Variants in GBF1 observed in about 807,000 individuals in gnomAD.
GBF1 encodes the protein Golgi-specific brefeldin A-resistance guanine nucleotide exchange factor 1.
GBF1 carries 114 observed loss-of-function variants against 210.5 expected under a neutral mutation model. The ratio of observed to expected loss-of-function variants is 0.54; its 90% confidence interval spans 0.47 to 0.63. The LOEUF (loss-of-function observed/expected upper bound fraction) is 0.63. Among genes scored for constraint, GBF1 ranks in the 30% least tolerant of loss-of-function variants. GBF1 has a pLI of 0.00. For synonymous variants in GBF1, 850 were observed against 889.2 expected, an observed-to-expected ratio of 0.96 and a Z score of 0.78; for missense variants, 1,851 against 2,357.7, an observed-to-expected ratio of 0.79 and a Z score of 4.45.
intron 3 of GBF1, among the ~76,000 whole-genome samples, chr10:102,337,838 CAG>C (rs2057872930): frequency 6.6e-6 from 1 of 152,108 alleles, no homozygotes; most frequent in South Asian, 2.1e-4. Context: ...GCCTGGGTGA[CAG>C]AGCAAGACTC....
intron 3 of GBF1, among the ~76,000 whole-genome samples, chr10:102,299,772 G>A (rs897906241): frequency 3.2e-4 from 48 of 152,012 alleles, no homozygotes; most frequent in Non-Finnish European, 1.3e-4. Flanking sequence ...CAACAAAAGC[G>A]AAACTCCGTC....
Position 102,315,085 on chromosome 10 carries a change from C to T in GBF1, c.164-28966C>T, listed in dbSNP as rs560887365. Among the ~76,000 whole-genome samples the T allele has an allele frequency of 7.2e-5, 11 of 152,274 alleles. No homozygotes were observed. The East Asian group carries it at 1.7e-3, about 24-fold the overall frequency. Reference sequence around the variant, plus strand: ...GTGCTGCCCTATTCCTTGTAAACATCGCTTATTACCAATTTTCCTGGAAAT... The same window carrying T: ...GTGCTGCCCTATTCCTTGTAAACATTGCTTATTACCAATTTTCCTGGAAAT... On this transcript the variant is annotated intron_variant, in intron 3 of 39. Coordinates refer to ENST00000369983, the MANE Select transcript of GBF1 (RefSeq NM_001377137.1).
At chr10:102,302,598 C>T (rs113118760) in intron 3 of GBF1, among the ~76,000 whole-genome samples, 75 of 152,276 alleles carry the variant, frequency 4.9e-4, no homozygotes, top group African/African-American at 1.8e-3. Flanking sequence ...CTGAAGAATT[C>T]TTAGAATTCA....
At chr10:102,343,740 TG>T in intron 3 of GBF1, among the ~76,000 whole-genome samples, 1 of 145,296 alleles carries the variant, frequency 6.9e-6, no homozygotes, top group Middle Eastern at 3.5e-3. Flanking sequence ...GCCCTGGAGG[TG>T]GAGGTTTGCA....
In GBF1 at chr10:102,363,365, C is replaced by T; in HGVS notation, c.1986C>T (p.Cys662=). ...RLPPEHGKSG[C]SDLEEAVDSG... is the part of the protein sequence containing the mutation. ...CACCAGAACATGGGAAATCAGGATG[C>T]AGTGATCTGGAGGAAGCTGTTGACT... The change falls in exon 16 of 40, where the codon TGC becomes TGT. Residue 662 remains cysteine, a synonymous_variant. Coordinates refer to ENST00000369983, the MANE Select transcript of GBF1 (RefSeq NM_001377137.1). The surrounding 1 kb of genome is among the most constrained non-coding windows in gnomAD (Gnocchi z 4.2). 6.2e-7 allele frequency: 1 copy of T among 1,613,956 alleles called. No individual in the cohort carries two copies. Among genetic ancestry groups the T allele is most frequent in the Non-Finnish European group, 8.5e-7 (1 of 1,179,914 alleles).
chr10:102,235,183 C>T, the GBF1 span, among the ~76,000 whole-genome samples: 1 of 129,310 alleles, frequency 7.7e-6, no homozygotes, highest in African/African-American at 3.3e-5. Context: ...CCCCCCACCC[C>T]CCCACCGCCT....
rs2059507433 is a variant in GBF1 at position 102,360,085 on chromosome 10, A to G, written c.1181-99A>G. 8.9e-6 allele frequency: 7 copies of G among 783,364 alleles called. No homozygotes were observed. In the Admixed American group the frequency reaches 1.0e-4, roughly 12 times the overall value. 48.5% of individuals were successfully genotyped at this position (783,364 alleles called of 1,614,324 possible). On this transcript the variant is annotated intron_variant, in intron 11 of 39. Coordinates refer to ENST00000369983, the MANE Select transcript of GBF1 (RefSeq NM_001377137.1). ...CCAGCCCTTTTCTTCAAAGAGAATC[A>G]CTTACCTAAAATTGCCTTGTGTAAT...
chr10:102,295,368 A>G (rs1306457719), intron 3 of GBF1, among the ~76,000 whole-genome samples: 2 of 152,234 alleles, frequency 1.3e-5, no homozygotes, highest in Admixed American at 6.5e-5. Flanking sequence ...AACAGTTGCA[A>G]TATATGGACC....
Position 102,344,128 on chromosome 10 carries a change from A to C in GBF1, c.241A>C (p.Ile81Leu). 6.2e-7 allele frequency: 1 copy of C among 1,613,052 alleles called. No individual in the cohort carries two copies. Residue 81 changes from isoleucine (I) to leucine (L), a missense_variant, in exon 4 of 40, where the codon ATC becomes CTC. Physicochemically the swap from Ile to Leu is conservative, Grantham distance 5. Transcript: ENST00000369983. Reference sequence around the variant, plus strand: ...TCGCTCTGAAGATACCACTGGCCCTATCACTGGACTGGCACTCACCTCTGT... The same window carrying C: ...TCGCTCTGAAGATACCACTGGCCCTCTCACTGGACTGGCACTCACCTCTGT... ...VIRSEDTTGP[I>L]TGLALTSVNK...
chr10:102,369,259 A>G lies in GBF1; in HGVS notation c.3022A>G (p.Ile1008Val), dbSNP rs759089542. 28 of 1,613,686 alleles carry G rather than the reference A, an allele frequency of 1.7e-5. No homozygotes were observed. Among genetic ancestry groups the G allele is most frequent in the Non-Finnish European group, 2.2e-5 (26 of 1,179,698 alleles). ...ATTTGGAAGCAACCCTAAAGCCCATATTGCAGCCAAGACAGTATTCCATTT... is the reference window on the plus strand; with the variant it reads ...ATTTGGAAGCAACCCTAAAGCCCATGTTGCAGCCAAGACAGTATTCCATTT... ...SVFGSNPKAH[I>V]AAKTVFHLAH... The change falls in exon 24 of 40, where the codon ATT becomes GTT. Residue 1008 changes from isoleucine (I) to valine (V), a missense_variant. Coordinates refer to ENST00000369983, the MANE Select transcript of GBF1 (RefSeq NM_001377137.1).
At chr10:102,283,083 A>G (rs115161282) in intron 3 of GBF1, among the ~76,000 whole-genome samples, 1 of 152,324 alleles carries the variant, frequency 6.6e-6, no homozygotes, top group South Asian at 2.1e-4. Flanking sequence ...GGAGTCACTC[A>G]TCTTGCCCAG....
intron 7 of GBF1, among the ~76,000 whole-genome samples, chr10:102,353,344 A>T (rs1250923749): frequency 6.6e-6 from 1 of 152,170 alleles, no homozygotes; most frequent in East Asian, 1.9e-4. Context: ...GTCTCAGGAT[A>T]AAAAGAGCCT....
intron 3 of GBF1, among the ~76,000 whole-genome samples, chr10:102,323,671 G>T (rs1565109434): frequency 6.6e-6 from 1 of 151,170 alleles, no homozygotes; most frequent in Non-Finnish European, 1.5e-5. Flanking sequence ...CTCCCTAAGA[G>T]CTGGGATTAC....
rs60505807 is a variant in GBF1 at position 102,258,150 on chromosome 10, A to ATT, written c.-10-758_-10-757dup. 2.4e-3 allele frequency among the ~76,000 whole-genome samples: 237 copies of ATT among 96,934 alleles called. 2 individuals carry two copies. Among genetic ancestry groups the ATT allele is most frequent in the Non-Finnish European group, 3.9e-3 (193 of 50,050 alleles). The allele number at this position is 96,934 out of a possible 152,430, so 63.6% of individuals were successfully genotyped here. ...ACTTCATCTCATTTTAGTATTACAG[A>ATT]TTTTTTTTTTTTTTTTTTTTTTGAG... On this transcript the variant is annotated intron_variant, in intron 1 of 39. Transcript: ENST00000369983.
the GBF1 span, among the ~76,000 whole-genome samples, chr10:102,236,642 C>A: frequency 6.6e-6 from 1 of 152,160 alleles, no homozygotes; most frequent in East Asian, 1.9e-4. Context: ...AGTGGGGAGG[C>A]CATGGTTTCC....
intron 8 of GBF1, among the ~76,000 whole-genome samples, chr10:102,357,325 A>G (rs964743669): frequency 2.6e-5 from 4 of 152,032 alleles, no homozygotes; most frequent in African/African-American, 9.7e-5. Flanking sequence ...TGTCTCTACT[A>G]AAAATACAAA....
At chr10:102,243,551 C>T (rs992987163), upstream of GBF1, among the ~76,000 whole-genome samples, 8 of 152,160 alleles carry the variant, frequency 5.3e-5, no homozygotes, top group African/African-American at 1.4e-4. Flanking sequence ...TAGATATTGG[C>T]GAGCAGAAAT....
intron 29 of GBF1, 127 bp downstream of exon 29, chr10:102,370,987 C>G: frequency 2.2e-6 from 2 of 900,978 alleles, no homozygotes; most frequent in East Asian, 2.7e-5. Context: ...AGTGACCAAC[C>G]ACAGGGCTGG....
At chr10:102,306,144 G>C (rs528311493) in intron 3 of GBF1, among the ~76,000 whole-genome samples, 1 of 152,206 alleles carries the variant, frequency 6.6e-6, no homozygotes, top group Non-Finnish European at 1.5e-5. Flanking sequence ...CCTTAGGTAA[G>C]TGATTTTACC....
Sources: allele counts gnomAD v4.1 joint callset (sites outside exome capture counted in the v4.1 genomes callset), GRCh38; gene constraint gnomAD v4.1.1; non-coding constraint Gnocchi (gnomAD v3.1); transcripts MANE v1.5; gene names NCBI Gene and HGNC (gene_info 2026-07-23, HGNC 2026-07-21).